Variants in PTPDC1 observed in about 807,000 individuals in gnomAD.
PTPDC1 encodes protein tyrosine phosphatase domain containing 1.
A neutral mutation model predicts 75.3 loss-of-function variants in PTPDC1; 53 were observed. The observed-to-expected ratio is 0.70, with a 90% CI of 0.56 to 0.88. The LOEUF (loss-of-function observed/expected upper bound fraction) is 0.88, where lower values mean the gene tolerates loss of function less well. Ranked by LOEUF, PTPDC1 falls within the 40% of genes least tolerant of loss-of-function variation. The pLI is 0.00. For missense variants in PTPDC1, 925 were observed against 998.6 expected (o/e 0.93, Z 0.99); for synonymous variants, 349 against 366.2 (o/e 0.95, Z 0.54).
chr9:94,055,912 A>C (rs1277316380), intron 1 of PTPDC1, among the ~76,000 whole-genome samples: 1 of 152,124 alleles, frequency 6.6e-6, no homozygotes, highest in Non-Finnish European at 1.5e-5. Context: ...CACAGAGTGC[A>C]TTCTAAACCC....
intron 7 of PTPDC1, among the ~76,000 whole-genome samples, chr9:94,103,708 A>AC (rs1326903155): frequency 1.3e-5 from 2 of 152,098 alleles, no homozygotes; most frequent in Non-Finnish European, 2.9e-5. Context: ...GCTAAGGTAA[A>AC]CAGCCCCCAG....
In PTPDC1 at chr9:94,108,115, ATATATT is replaced by A; in HGVS notation, c.*174_*179del. 1 of 388,266 alleles carries A rather than the reference ATATATT, an allele frequency of 2.6e-6. No homozygotes were observed. Among genetic ancestry groups the A allele is most frequent in the Non-Finnish European group, 4.6e-6 (1 of 216,596 alleles). 24.1% of individuals were successfully genotyped at this position (388,266 alleles called of 1,614,324 possible). On this transcript the variant is annotated 3_prime_UTR_variant, in exon 9 of 9. Coordinates refer to ENST00000620992, the MANE Select transcript of PTPDC1 (RefSeq NM_001253829.2). The stretch of plus-strand genomic sequence containing the variant: ...ATTTGAACCAATTATTTATTTTAAA[ATATATT>A]TAAGCTACATTTTTGTTTTGAAAAA...
At chr9:94,039,714 T>A (rs1175864744) in intron 1 of PTPDC1, among the ~76,000 whole-genome samples, 1 of 152,120 alleles carries the variant, frequency 6.6e-6, no homozygotes, top group Non-Finnish European at 1.5e-5. Context: ...CCTGCCTGGG[T>A]GACAGAGCAA....
rs572561806 is a variant in PTPDC1 at position 94,096,097 on chromosome 9, A to T, written c.754+643A>T. On this transcript the variant is annotated intron_variant, in intron 5 of 8. Coordinates refer to ENST00000620992, the MANE Select transcript of PTPDC1 (RefSeq NM_001253829.2). ...AAAAGTCAGTGATTTTACTTAAAACATTCAGCTGAATTTCATTACAGTGCT... is the reference window on the plus strand; with the variant it reads ...AAAAGTCAGTGATTTTACTTAAAACTTTCAGCTGAATTTCATTACAGTGCT... Among the ~76,000 whole-genome samples, 3 of 152,362 alleles carry T rather than the reference A, an allele frequency of 2.0e-5. No individual in the cohort carries two copies. In the East Asian group the frequency reaches 5.8e-4, roughly 29 times the overall value.
At position 94,098,062 on chromosome 9, in the gene PTPDC1, A is replaced by G; in HGVS notation, c.1496A>G (p.Lys499Arg). Residue 499 changes from lysine (K) to arginine (R), a missense_variant, in exon 6 of 9, where the codon AAG becomes AGG. Physicochemically the swap from Lys to Arg is conservative, Grantham distance 26. Coordinates refer to ENST00000620992, the MANE Select transcript of PTPDC1 (RefSeq NM_001253829.2). ...CAGTCTCCAGAACCAGACTTACACAAGGAAGCCTTGGTTCGCAGCACACTT... is the reference window on the plus strand; with the variant it reads ...CAGTCTCCAGAACCAGACTTACACAGGGAAGCCTTGGTTCGCAGCACACTT... ...IPQSPEPDLH[K>R]EALVRSTLSF... The G allele has an allele frequency of 1.2e-5, 20 of 1,614,204 alleles. No homozygotes were observed. Among genetic ancestry groups the G allele is most frequent in the Non-Finnish European group, 1.7e-5 (20 of 1,180,032 alleles).
At chr9:94,105,592 C>T (rs142076331) in intron 8 of PTPDC1, among the ~76,000 whole-genome samples, 250 of 150,480 alleles carry the variant, frequency 1.7e-3, no homozygotes, top group African/African-American at 5.8e-3. Context: ...GGCTTGAACC[C>T]GGGAGGTGGA....
Position 94,046,328 on chromosome 9 carries a change from G to A in PTPDC1, c.-7+15201G>A, listed in dbSNP as rs556798369. On this transcript the variant is annotated intron_variant, in intron 1 of 9. Coordinates refer to the PTPDC1 transcript ENST00000375360. ...GCTTGGGATTGACTTGGCAATGCAG[G>A]CTCTTTTTCGGTTCCATATGAACTT... Among the ~76,000 whole-genome samples the A allele has an allele frequency of 9.2e-5, 14 of 152,276 alleles. No individual in the cohort carries two copies. In the South Asian group the frequency reaches 1.7e-3, roughly 18 times the overall value.
intron 1 of PTPDC1, among the ~76,000 whole-genome samples, chr9:94,049,332 GT>G (rs1825714471): frequency 6.6e-6 from 1 of 152,194 alleles, no homozygotes. Flanking sequence ...AATTTGGCAT[GT>G]TTTTGCAGCA....
At chr9:94,056,572 C>T (rs1825945170) in intron 1 of PTPDC1, among the ~76,000 whole-genome samples, 2 of 152,112 alleles carry the variant, frequency 1.3e-5, no homozygotes, top group South Asian at 4.1e-4. Context: ...AGGATTATAC[C>T]ACTTCTGACC....
At chr9:94,040,435 G>T (rs1039696196) in intron 1 of PTPDC1, among the ~76,000 whole-genome samples, 18 of 152,108 alleles carry the variant, frequency 1.2e-4, no homozygotes, top group Non-Finnish European at 2.1e-4. Flanking sequence ...TATCCACCCT[G>T]TGTATAAACC....
chr9:94,073,403 C>CT (rs1396374838), intron 2 of PTPDC1, among the ~76,000 whole-genome samples: 1 of 151,658 alleles, frequency 6.6e-6, no homozygotes, highest in South Asian at 2.1e-4. Context: ...TGATTTGTGT[C>CT]TTTTTTTTAT....
chr9:94,039,744 G>A (rs1825376853), intron 1 of PTPDC1, among the ~76,000 whole-genome samples: 1 of 152,026 alleles, frequency 6.6e-6, no homozygotes, highest in Non-Finnish European at 1.5e-5. Context: ...AAAAACAAAA[G>A]TAAAATGAAA....
chr9:94,069,170 C>T (rs900684062), intron 2 of PTPDC1, among the ~76,000 whole-genome samples: 8 of 152,150 alleles, frequency 5.3e-5, no homozygotes, highest in African/African-American at 1.9e-4. Context: ...ATTCCCAACC[C>T]CTTTTAGGGG....
At chr9:94,085,075 C>T (rs1827022661) in intron 1 of PTPDC1, among the ~76,000 whole-genome samples, 176 bp from the exon 2 acceptor site, 1 of 152,120 alleles carries the variant, frequency 6.6e-6, no homozygotes, top group African/African-American at 2.4e-5. Context: ...AGCTTTTTTA[C>T]ATTAAGAGAT....
chr9:94,086,343 C>T (rs1473640406), intron 2 of PTPDC1, among the ~76,000 whole-genome samples: 4 of 152,174 alleles, frequency 2.6e-5, no homozygotes, highest in Non-Finnish European at 4.4e-5. Flanking sequence ...AGGTCATTTG[C>T]ATATTTTTGC....
upstream of PTPDC1, among the ~76,000 whole-genome samples, chr9:94,080,127 T>C (rs762440582): frequency 6.6e-5 from 10 of 152,136 alleles, no homozygotes; most frequent in Non-Finnish European, 1.5e-4. Flanking sequence ...GGAGAGCATC[T>C]ACCCAGGTGG....
intron 6 of PTPDC1, among the ~76,000 whole-genome samples, chr9:94,099,537 A>C (rs1448117531): frequency 2.6e-5 from 4 of 152,242 alleles, no homozygotes; most frequent in African/African-American, 9.6e-5. Context: ...CTTCACATTA[A>C]CTTTTAATTA....
chr9:94,034,141 G>A (rs959636600), intron 1 of PTPDC1, among the ~76,000 whole-genome samples: 1 of 152,174 alleles, frequency 6.6e-6, no homozygotes, highest in African/African-American at 2.4e-5. Context: ...AAGAAAATAT[G>A]TTCCTCACTG....
rs371577248 is a variant in PTPDC1, at chr9:94,062,306, A to G, written c.-6-2428A>G. Among the ~76,000 whole-genome samples, 6 of 152,174 alleles carry G rather than the reference A, an allele frequency of 3.9e-5. No homozygotes were observed. The East Asian group carries it at 5.8e-4, about 15-fold the overall frequency. On this transcript the variant is annotated intron_variant, in intron 1 of 9. Coordinates refer to the PTPDC1 transcript ENST00000375360. ...CCTCAGCCTGGCCTTCACTTTCCATATCACTATCAGCATTTTAGTTACAAC... is the reference window on the plus strand; with the variant it reads ...CCTCAGCCTGGCCTTCACTTTCCATGTCACTATCAGCATTTTAGTTACAAC...
Sources: gnomAD v4.1 joint callset for allele counts (sites outside exome capture counted in the v4.1 genomes callset) on GRCh38, gnomAD v4.1.1 for gene constraint, MANE v1.5 for transcripts, NCBI Gene and HGNC (gene_info 2026-07-23, HGNC 2026-07-21) for gene names.